The following MAST2 variants were observed in gnomAD, a reference collection of about 807,000 sequenced individuals.
The protein encoded by MAST2 is microtubule-associated serine/threonine-protein kinase 2.
A neutral mutation model predicts 147.4 loss-of-function variants in MAST2; 70 were observed. The observed-to-expected ratio is 0.47, with a 90% CI of 0.39 to 0.58. The LOEUF is 0.58. MAST2 is among the 20% of genes least tolerant of loss of function. The pLI is 0.00. For missense variants in MAST2, 2,080 were observed against 2,302.3 expected (o/e 0.90, Z 1.98); for synonymous variants, 869 against 896.8 (o/e 0.97, Z 0.55).
At chr1:45,939,545 G>GA (rs1325280077) in intron 4 of MAST2, among the ~76,000 whole-genome samples, 1 of 151,176 alleles carries the variant, frequency 6.6e-6, no homozygotes, top group Non-Finnish European at 1.5e-5. Context: ...TTTTTTTTGG[G>GA]GGGGTGGGGT....
intron 10 of MAST2, 160 bp downstream of exon 10, chr1:46,011,099 C>T: frequency 1.6e-6 from 1 of 634,022 alleles, no homozygotes; most frequent in Non-Finnish European, 2.8e-6. Context: ...CCTCCTCAGT[C>T]CCCTGCAATA....
intron 1 of MAST2, among the ~76,000 whole-genome samples, chr1:45,824,031 CTT>C (rs1040261696): frequency 8.5e-5 from 13 of 152,112 alleles, no homozygotes; most frequent in African/African-American, 2.9e-4. Flanking sequence ...ATATTTCTGA[CTT>C]TATATGCCAG....
In MAST2 at chr1:45,884,576, A is replaced by T. The variant is rs1044251322; in HGVS notation, c.500+2181A>T. On this transcript the variant is annotated intron_variant, in intron 4 of 28. Transcript: ENST00000361297. Reference sequence around the variant, plus strand: ...AAAAATAAATAAATAAATAAATAAAAAAGCCTACTCTGTGCTGGGTAGAGT... The same window carrying T: ...AAAAATAAATAAATAAATAAATAAATAAGCCTACTCTGTGCTGGGTAGAGT... 5.9e-5 allele frequency among the ~76,000 whole-genome samples: 9 copies of T among 152,110 alleles called. No individual in the cohort carries two copies. The East Asian group carries it at 7.7e-4, about 13-fold the overall frequency.
At chr1:45,986,266 C>T (rs574912872) in intron 5 of MAST2, among the ~76,000 whole-genome samples, 1 of 152,158 alleles carries the variant, frequency 6.6e-6, no homozygotes, top group African/African-American at 2.4e-5. Flanking sequence ...AATGCATTTT[C>T]TATGTCTAAT....
At chr1:45,998,291 C>G (rs4420030) in intron 6 of MAST2, among the ~76,000 whole-genome samples, 152,174 of 152,324 alleles carry the variant, frequency 1, 76,014 homozygotes, top group Non-Finnish European at 1. Flanking sequence ...GGGATAAAGA[C>G]ACTACAGGGA....
intron 4 of MAST2, among the ~76,000 whole-genome samples, chr1:45,896,692 A>G (rs1326025020): frequency 6.6e-6 from 1 of 152,200 alleles, no homozygotes; most frequent in Non-Finnish European, 1.5e-5. Context: ...TTCTAACAAA[A>G]GACTGTAACT....
chr1:45,854,241 G>A (rs1645716675), intron 3 of MAST2, among the ~76,000 whole-genome samples: 2 of 151,904 alleles, frequency 1.3e-5, no homozygotes, highest in Non-Finnish European at 2.9e-5. Flanking sequence ...GGAGGCTGAG[G>A]CAGGAGAATC....
At chr1:45,965,797 C>A (rs1289427574) in intron 5 of MAST2, among the ~76,000 whole-genome samples, 3 of 151,778 alleles carry the variant, frequency 2.0e-5, no homozygotes, top group African/African-American at 7.3e-5. Flanking sequence ...AAACCATATA[C>A]CCCCTGCCCT....
intron 4 of MAST2, among the ~76,000 whole-genome samples, chr1:45,888,663 CTTTTTTTTTTTTTTTTTTTTTTTTT>C (rs71587722): frequency 2.1e-5 from 1 of 48,686 alleles, no homozygotes. Context: ...CGCGCGGCCT[CTTTTTTTTTTTTTTTTTTTTTTTTT>C]TTTTTTTTTT....
At chr1:45,967,260 A>T (rs1410771804) in intron 5 of MAST2, among the ~76,000 whole-genome samples, 2 of 151,954 alleles carry the variant, frequency 1.3e-5, no homozygotes, top group Admixed American at 1.3e-4. Context: ...TTTAGTAGAG[A>T]TGACGTTTCA....
intron 2 of MAST2, among the ~76,000 whole-genome samples, chr1:45,826,629 C>G (rs1644801067): frequency 6.6e-6 from 1 of 151,980 alleles, no homozygotes; most frequent in Non-Finnish European, 1.5e-5. Context: ...GGATTATAGA[C>G]CTGAGCAACC....
At chr1:45,984,191 C>T (rs970540106) in intron 5 of MAST2, among the ~76,000 whole-genome samples, 1 of 152,010 alleles carries the variant, frequency 6.6e-6, no homozygotes, top group Non-Finnish European at 1.5e-5. Context: ...ATTTATCATC[C>T]CTTGGAGGGA....
At chr1:45,931,157 T>C (rs1231643324) in intron 4 of MAST2, among the ~76,000 whole-genome samples, 1 of 152,236 alleles carries the variant, frequency 6.6e-6, no homozygotes, top group African/African-American at 2.4e-5. Context: ...TCCAGGATCA[T>C]GTGTTAGAAT....
intron 4 of MAST2, among the ~76,000 whole-genome samples, chr1:45,954,413 C>T (rs1659370993): frequency 6.6e-6 from 1 of 152,184 alleles, no homozygotes; most frequent in Non-Finnish European, 1.5e-5. Flanking sequence ...CTTGTTCTTG[C>T]TGTTGACTGA....
At chr1:45,948,571 G>T (rs1479199766) in intron 4 of MAST2, among the ~76,000 whole-genome samples, 1 of 151,834 alleles carries the variant, frequency 6.6e-6, no homozygotes, top group Non-Finnish European at 1.5e-5. Flanking sequence ...GCTGCATGTG[G>T]TGGTGTGTGT....
intron 10 of MAST2, among the ~76,000 whole-genome samples, chr1:46,014,682 T>C (rs1025300720): frequency 1.3e-5 from 2 of 152,072 alleles, no homozygotes; most frequent in African/African-American, 4.8e-5. Flanking sequence ...AAGCAAGTCC[T>C]GAGTGACCTA....
Position 46,031,846 on chromosome 1 carries a change from G to A in MAST2, c.3187+261G>A, listed in dbSNP as rs1211400255. 1.3e-5 allele frequency among the ~76,000 whole-genome samples: 2 copies of A among 152,198 alleles called. No individual in the cohort carries two copies. The highest frequency in any genetic ancestry group is 4.8e-5 in the African/African-American group (2 of 41,450). On this transcript the variant is annotated intron_variant, in intron 24 of 28. Transcript: ENST00000361297. The surrounding 1 kb of genome is among the most constrained non-coding windows in gnomAD (Gnocchi z 4.1). ...CCATCACTAACAGGCTCTTGACCTT[G>A]AGCAAGTTGCTTAACTTCTCTAAGC...
chr1:46,025,898 A>G (rs1646388437), intron 16 of MAST2, 83 bp downstream of exon 16: 1 of 1,544,800 alleles, frequency 6.5e-7, no homozygotes, highest in Middle Eastern at 1.7e-4. Flanking sequence ...GTAGCTCTAA[A>G]TCTATCCAGA....
intron 3 of MAST2, among the ~76,000 whole-genome samples, chr1:45,831,567 A>T (rs2147828881): frequency 6.6e-6 from 1 of 152,322 alleles, no homozygotes; most frequent in South Asian, 2.1e-4. Context: ...AGAATGGTAC[A>T]GTGAACACCC....
Sources: gnomAD v4.1 joint callset for allele counts (sites outside exome capture counted in the v4.1 genomes callset) on GRCh38, gnomAD v4.1.1 for gene constraint, Gnocchi (gnomAD v3.1) non-coding constraint, MANE v1.5 for transcripts, NCBI Gene and HGNC (gene_info 2026-07-23, HGNC 2026-07-21) for gene names.